Variants in CYTH1 observed in about 807,000 individuals in gnomAD.
CYTH1 encodes cytohesin-1.
CYTH1 carries 18 observed loss-of-function variants against 61.8 expected under a neutral mutation model. That is an observed-to-expected ratio of 0.29 (90% CI 0.20 to 0.43). The LOEUF is 0.43. Among genes scored for constraint, CYTH1 ranks in the 20% least tolerant of loss-of-function variants. The probability of loss-of-function intolerance (pLI) is 1.00; values close to 1 mark genes in which losing one functional copy is unlikely to be tolerated. For synonymous variants in CYTH1, 174 were observed against 184.3 expected (o/e 0.94, Z 0.45); for missense variants, 336 against 510.5 (o/e 0.66, Z 3.29).
chr17:78,760,292 A>G (rs1190073422), intron 1 of CYTH1, among the ~76,000 whole-genome samples: 1 of 145,536 alleles, frequency 6.9e-6, no homozygotes, highest in Non-Finnish European at 1.5e-5. Flanking sequence ...AAACTCAAGA[A>G]ACACTGAATT....
At chr17:78,744,150 TG>T (rs2093351461) in intron 1 of CYTH1, among the ~76,000 whole-genome samples, 1 of 152,238 alleles carries the variant, frequency 6.6e-6, no homozygotes, top group Admixed American at 6.5e-5. Flanking sequence ...ACTCGCTCTC[TG>T]TATCTTCACA....
At chr17:78,702,031 C>T in intron 5 of CYTH1, 91 bp downstream of exon 5, 1 of 1,138,484 alleles carries the variant, frequency 8.8e-7, no homozygotes, top group Non-Finnish European at 1.3e-6. Context: ...GCAAAAACCC[C>T]TCCAAGAACT....
intron 1 of CYTH1, among the ~76,000 whole-genome samples, chr17:78,759,185 A>G (rs957997157): frequency 6.6e-6 from 1 of 151,914 alleles, no homozygotes; most frequent in African/African-American, 2.4e-5. Context: ...ATTGTAGCCA[A>G]TCGAAGCCCA....
At chr17:78,681,930 T>C (rs1195776706) in intron 11 of CYTH1, among the ~76,000 whole-genome samples, 2 of 152,068 alleles carry the variant, frequency 1.3e-5, no homozygotes, top group Admixed American at 6.6e-5. Flanking sequence ...TAGCAACTAT[T>C]TCCAACTTCT....
intron 1 of CYTH1, among the ~76,000 whole-genome samples, chr17:78,773,691 T>A (rs1037615837): frequency 1.3e-5 from 2 of 152,086 alleles, no homozygotes; most frequent in African/African-American, 2.4e-5. Flanking sequence ...TCACAATTTC[T>A]TCTCGTAAGG....
intron 10 of CYTH1, 23 bp from the exon 11 acceptor site, chr17:78,692,516 C>T (rs368086085): frequency 4.0e-5 from 65 of 1,612,698 alleles, no homozygotes; most frequent in Non-Finnish European, 4.7e-5. Context: ...AAGAGATGCA[C>T]GTTCGACAAG....
chr17:78,746,946 AAATAAT>A (rs1311129474), intron 1 of CYTH1, among the ~76,000 whole-genome samples: 3 of 151,944 alleles, frequency 2.0e-5, no homozygotes, highest in Non-Finnish European at 4.4e-5. Context: ...TCTGTCTCAA[AAATAAT>A]AATAATAAAA....
At chr17:78,752,991 C>T (rs913897538) in intron 1 of CYTH1, among the ~76,000 whole-genome samples, 1 of 152,134 alleles carries the variant, frequency 6.6e-6, no homozygotes, top group Admixed American at 6.5e-5. Flanking sequence ...AGAAAAAGTA[C>T]ACTCAGGATT....
intron 1 of CYTH1, among the ~76,000 whole-genome samples, chr17:78,757,718 G>C (rs986327096): frequency 2.0e-5 from 3 of 151,998 alleles, no homozygotes; most frequent in African/African-American, 7.3e-5. Context: ...ACTGCCTGAG[G>C]TCAGGAGTTT....
At chr17:78,772,935 T>C (rs552847391) in intron 1 of CYTH1, among the ~76,000 whole-genome samples, 2 of 152,272 alleles carry the variant, frequency 1.3e-5, no homozygotes, top group Non-Finnish European at 2.9e-5. Context: ...GTTCAAGCGA[T>C]TCTAGTGACT....
chr17:78,686,944 G>A (rs2092822479), intron 11 of CYTH1, among the ~76,000 whole-genome samples: 1 of 152,008 alleles, frequency 6.6e-6, no homozygotes, highest in African/African-American at 2.4e-5. Flanking sequence ...ACCACACTTG[G>A]CTGATTTTTT....
intron 2 of CYTH1, chr17:78,709,275 GA>G (rs2093102161): frequency 9.5e-6 from 1 of 104,844 alleles, no homozygotes; most frequent in Non-Finnish European, 2.3e-5. Context: ...GTAAGCGGCA[GA>G]GCCAGAGCCA....
intron 1 of CYTH1, among the ~76,000 whole-genome samples, chr17:78,748,145 C>T (rs2093366309): frequency 6.6e-6 from 1 of 152,206 alleles, no homozygotes; most frequent in African/African-American, 2.4e-5. Context: ...CACTGCACCC[C>T]ACACACCGGA....
intron 1 of CYTH1, among the ~76,000 whole-genome samples, chr17:78,718,582 C>T (rs1007675646): frequency 1.1e-4 from 16 of 152,174 alleles, no homozygotes; most frequent in African/African-American, 1.9e-4. Context: ...AACAAACCAG[C>T]GTGTTCACCT....
intron 11 of CYTH1, among the ~76,000 whole-genome samples, chr17:78,681,382 A>G (rs1299667270): frequency 6.6e-6 from 1 of 152,028 alleles, no homozygotes; most frequent in Non-Finnish European, 1.5e-5. Context: ...TCACCTCTGA[A>G]GCCTCAGTTC....
intron 11 of CYTH1, among the ~76,000 whole-genome samples, chr17:78,686,023 T>G (rs556059357): frequency 1.1e-3 from 175 of 152,328 alleles, no homozygotes; most frequent in African/African-American, 4.1e-3. Context: ...TTCTTTGATT[T>G]GCAGATTCAG....
Position 78,698,925 on chromosome 17 carries a change from G to A in CYTH1, c.594C>T (p.Thr198=). 1 of 1,611,956 alleles carries A rather than the reference G, an allele frequency of 6.2e-7. No individual in the cohort carries two copies. The highest frequency in any genetic ancestry group is 8.5e-7 in the Non-Finnish European group (1 of 1,179,246). Residue 198 remains threonine, a synonymous_variant, in exon 8 of 14, where the codon ACC becomes ACT. Transcript: ENST00000446868. ...VLSFAIIMLN[T]SLHNPNVKDK... Reference sequence around the variant, plus strand: ...CTTTGACATTGGGGTTGTGCAGACTGGTGTTCAACATGATGATGGCAAAGG... The same window carrying A: ...CTTTGACATTGGGGTTGTGCAGACTAGTGTTCAACATGATGATGGCAAAGG...
intron 1 of CYTH1, among the ~76,000 whole-genome samples, chr17:78,728,834 G>A (rs1352795138): frequency 6.6e-6 from 1 of 152,170 alleles, no homozygotes; most frequent in Non-Finnish European, 1.5e-5. Context: ...AGTCAAGGGT[G>A]CTGAGCAAAT....
At chr17:78,764,951 G>C (rs1273717127) in intron 1 of CYTH1, among the ~76,000 whole-genome samples, 1 of 151,974 alleles carries the variant, frequency 6.6e-6, no homozygotes, top group African/African-American at 2.4e-5. Context: ...AGTCAAGCAG[G>C]GTAAGGGTGG....
Sources: allele counts gnomAD v4.1 joint callset (sites outside exome capture counted in the v4.1 genomes callset), GRCh38; gene constraint gnomAD v4.1.1; transcripts MANE v1.5; gene names NCBI Gene and HGNC (gene_info 2026-07-23, HGNC 2026-07-21).